Variants in PPFIA2 observed in about 807,000 individuals in gnomAD.
PPFIA2 encodes PPFI scaffold protein A2.
A neutral mutation model predicts 175.5 loss-of-function variants in PPFIA2; 46 were observed. That is an observed-to-expected ratio of 0.26 (90% CI 0.21 to 0.34). PPFIA2 has a LOEUF of 0.34. Ranked by LOEUF, PPFIA2 falls within the 10% of genes least tolerant of loss-of-function variation. The pLI is 1.00. For synonymous variants in PPFIA2, 568 were observed against 511.4 expected, an observed-to-expected ratio of 1.11 and a Z score of -1.49; for missense variants, 1,179 against 1,506.1, an observed-to-expected ratio of 0.78 and a Z score of 3.60.
chr12:81,299,413 G>C (rs762336479), intron 22 of PPFIA2, 31 bp from the exon 23 acceptor site: 3 of 1,544,306 alleles, frequency 1.9e-6, no homozygotes, highest in Non-Finnish European at 2.6e-6. Context: ...TATTAGGCAG[G>C]TATATGGAAA....
intron 4 of PPFIA2, among the ~76,000 whole-genome samples, chr12:81,621,431 G>A (rs1488699799): frequency 2.6e-5 from 4 of 152,230 alleles, no homozygotes; most frequent in African/African-American, 9.6e-5. Flanking sequence ...CAGGCTGAAT[G>A]AAACTTTGGA....
intron 13 of PPFIA2, 89 bp from the exon 14 acceptor site, chr12:81,367,259 CCT>C (rs2033763321): frequency 1.2e-6 from 1 of 862,790 alleles, no homozygotes; most frequent in African/African-American, 1.8e-5. Context: ...ACTCAAGAAT[CCT>C]CTTAGATTCC....
intron 3 of PPFIA2, among the ~76,000 whole-genome samples, chr12:81,689,114 A>G (rs2074898490): frequency 8.8e-6 from 1 of 114,250 alleles, no homozygotes; most frequent in Admixed American, 8.7e-5. Flanking sequence ...GAGAGATGAG[A>G]TCTTAAATTT....
intron 19 of PPFIA2, 24 bp from the exon 20 acceptor site, chr12:81,341,232 A>G (rs2058009558): frequency 6.2e-7 from 1 of 1,601,574 alleles, no homozygotes; most frequent in South Asian, 1.1e-5. Context: ...CAATACATTC[A>G]AATAAACCCT....
intron 10 of PPFIA2, 21 bp from the exon 11 acceptor site, chr12:81,374,789 G>A: frequency 6.2e-7 from 1 of 1,605,448 alleles, no homozygotes; most frequent in Non-Finnish European, 8.5e-7. Context: ...AATGGGAGCA[G>A]AGACACTTAA....
At chr12:81,690,693 C>T (rs925803897) in intron 3 of PPFIA2, among the ~76,000 whole-genome samples, 1 of 152,088 alleles carries the variant, frequency 6.6e-6, no homozygotes, top group Non-Finnish European at 1.5e-5. Flanking sequence ...TGAATTTCCA[C>T]AAATTAGTGA....
chr12:81,322,589 T>C (rs2053895307), intron 22 of PPFIA2, among the ~76,000 whole-genome samples: 1 of 152,168 alleles, frequency 6.6e-6, no homozygotes, highest in Non-Finnish European at 1.5e-5. Context: ...TTTGACACAA[T>C]TATTATAGGT....
At chr12:81,474,422 G>A (rs190440251) in intron 4 of PPFIA2, among the ~76,000 whole-genome samples, 1 of 152,250 alleles carries the variant, frequency 6.6e-6, no homozygotes, top group East Asian at 1.9e-4. Flanking sequence ...CTCCCAAACT[G>A]CTGGGATTAC....
intron 22 of PPFIA2, among the ~76,000 whole-genome samples, chr12:81,306,560 T>G (rs571270737): frequency 2.5e-5 from 3 of 122,206 alleles, no homozygotes; most frequent in East Asian, 2.1e-4. Context: ...TTTTTTTTTT[T>G]GGCAGAGTTT....
rs553233348 is a variant in PPFIA2, at chr12:81,706,010, ATT to A, written c.250-29168_250-29167del. On this transcript the variant is annotated intron_variant, in intron 3 of 32. Transcript: ENST00000549396. Reference sequence around the variant, plus strand: ...TAAACAAAAATATACTATTAAAAGTATTTTTTTATTTATTTTTCTTATTTCAA... The same window carrying A: ...TAAACAAAAATATACTATTAAAAGTATTTTTATTTATTTTTCTTATTTCAA... 5.9e-4 allele frequency among the ~76,000 whole-genome samples: 90 copies of A among 152,240 alleles called. 1 individual carries two copies. Among genetic ancestry groups the A allele is most frequent in the Admixed American group, 1.9e-3 (29 of 15,294 alleles).
chr12:81,426,930 T>C (rs778851563), intron 7 of PPFIA2, among the ~76,000 whole-genome samples: 10 of 152,160 alleles, frequency 6.6e-5, no homozygotes, highest in African/African-American at 2.2e-4. Flanking sequence ...ATCAAATGTA[T>C]CTTAAAAACT....
At chr12:81,303,990 T>C (rs1398559804) in intron 22 of PPFIA2, among the ~76,000 whole-genome samples, 1 of 152,198 alleles carries the variant, frequency 6.6e-6, no homozygotes, top group African/African-American at 2.4e-5. Flanking sequence ...TGTGGTCTAA[T>C]TGGTATACGA....
intron 3 of PPFIA2, among the ~76,000 whole-genome samples, chr12:81,724,950 T>G (rs758507756): frequency 6.6e-6 from 1 of 151,058 alleles, no homozygotes; most frequent in Non-Finnish European, 1.5e-5. Context: ...CCATGAACAG[T>G]GTATAATAGG....
intron 3 of PPFIA2, among the ~76,000 whole-genome samples, chr12:81,708,269 G>A (rs1466662224): frequency 6.6e-6 from 1 of 151,744 alleles, no homozygotes; most frequent in Non-Finnish European, 1.5e-5. Flanking sequence ...GTTTTTAATT[G>A]GAAGAAAAAT....
At chr12:81,418,410 T>A (rs1208536126) in intron 7 of PPFIA2, among the ~76,000 whole-genome samples, 1 of 152,004 alleles carries the variant, frequency 6.6e-6, no homozygotes, top group Non-Finnish European at 1.5e-5. Context: ...TTTCTGTTTT[T>A]GTCAGACCTG....
At chr12:81,472,861 G>A (rs2056945268) in intron 4 of PPFIA2, 1 of 152,160 alleles carries the variant, frequency 6.6e-6, no homozygotes, top group Admixed American at 6.6e-5. Context: ...GTATCTTGCT[G>A]GTCAGTAGAA....
chr12:81,642,718 T>C lies in PPFIA2; in HGVS notation c.303+34073A>G, dbSNP rs1457643202. Among the ~76,000 whole-genome samples, 4 of 122,096 alleles carry C rather than the reference T, an allele frequency of 3.3e-5. 1 individual carries two copies. The highest frequency in any genetic ancestry group is 1.2e-4 in the African/African-American group (4 of 33,088). 80.1% of individuals were successfully genotyped at this position (122,096 alleles called of 152,430 possible). A position where few individuals can be genotyped will look rare whatever the true frequency, so the allele number is the denominator to read the frequency against. Reference sequence around the variant, plus strand: ...CATACATGTATATGTATGTATGTATTATATACATACATGTATATGTATGTA... The same window carrying C: ...CATACATGTATATGTATGTATGTATCATATACATACATGTATATGTATGTA... On this transcript the variant is annotated intron_variant, in intron 4 of 32. Coordinates refer to ENST00000549396, the MANE Select transcript of PPFIA2 (RefSeq NM_003625.5).
chr12:81,478,572 C>G (rs937467919), intron 4 of PPFIA2, among the ~76,000 whole-genome samples: 1 of 152,176 alleles, frequency 6.6e-6, no homozygotes, highest in Non-Finnish European at 1.5e-5. Context: ...AAATTTCCCT[C>G]TAAACACTGC....
At chr12:81,643,469 A>G (rs2065639113) in intron 4 of PPFIA2, among the ~76,000 whole-genome samples, 1 of 152,054 alleles carries the variant, frequency 6.6e-6, no homozygotes, top group Admixed American at 6.6e-5. Context: ...CAAATTATGA[A>G]TGAAAATAAG....
Sources: allele counts gnomAD v4.1 joint callset (sites outside exome capture counted in the v4.1 genomes callset), GRCh38; gene constraint gnomAD v4.1.1; transcripts MANE v1.5; gene names NCBI Gene and HGNC (gene_info 2026-07-23, HGNC 2026-07-21).